Variants in DLEU7 observed in about 807,000 individuals in gnomAD.
The protein encoded by DLEU7 is leukemia-associated protein 7.
Under a neutral mutation model 16.0 loss-of-function variants are expected in DLEU7, and 17 were observed. The observed-to-expected ratio is 1.06, with a 90% CI of 0.73 to 1.59. DLEU7 has a LOEUF of 1.59. Among genes scored for constraint, DLEU7 ranks in the 40% most tolerant of loss-of-function variants. DLEU7 has a pLI of 0.00. For synonymous variants in DLEU7, 113 were observed against 139.8 expected, an observed-to-expected ratio of 0.81 and a Z score of 1.35; for missense variants, 308 against 314.9, an observed-to-expected ratio of 0.98 and a Z score of 0.17.
chr13:50,732,701 C>A (rs1488111592), intron 1 of DLEU7, among the ~76,000 whole-genome samples: 1 of 150,234 alleles, frequency 6.7e-6, no homozygotes, highest in African/African-American at 2.5e-5. Context: ...AATGATCACA[C>A]TATGTTAAAT....
chr13:50,744,594 T>G (rs1341259447), intron 1 of DLEU7, among the ~76,000 whole-genome samples: 1 of 152,060 alleles, frequency 6.6e-6, no homozygotes, highest in Non-Finnish European at 1.5e-5. Context: ...ACTGTGAAAA[T>G]AAAAAGCCAG....
downstream of DLEU7, chr13:50,711,647 A>G (rs771586162): frequency 6.6e-6 from 1 of 152,182 alleles, no homozygotes; most frequent in Non-Finnish European, 1.5e-5. Context: ...TCTGTTTTTC[A>G]ATCATTTGTT....
intron 1 of DLEU7, among the ~76,000 whole-genome samples, chr13:50,812,306 A>G (rs901737887): frequency 6.6e-5 from 10 of 152,144 alleles, no homozygotes; most frequent in Non-Finnish European, 1.2e-4. Context: ...CCCCGTGGAC[A>G]CTGCTGATCC....
rs1230290629 is a variant in DLEU7, at chr13:50,816,466, G to A, written c.459+26722C>T. ...GGAAGGAAAAGAAAGACCAACGTCT[G>A]TTAACTTTATTTATGTATAAAAGAA... On this transcript the variant is annotated intron_variant, in intron 1 of 1. Transcript: ENST00000400393. Among the ~76,000 whole-genome samples the A allele has an allele frequency of 4.6e-5, 7 of 152,032 alleles. No individual in the cohort carries two copies. The East Asian group carries it at 1.4e-3, about 29-fold the overall frequency.
At chr13:50,719,316 A>T (rs1238898921) in intron 1 of DLEU7, among the ~76,000 whole-genome samples, 4 of 152,172 alleles carry the variant, frequency 2.6e-5, no homozygotes, top group African/African-American at 9.7e-5. Flanking sequence ...AACAGGTGAC[A>T]TTTTTGAGAG....
intron 1 of DLEU7, among the ~76,000 whole-genome samples, chr13:50,804,737 C>A (rs144172487): frequency 1.3e-5 from 2 of 152,186 alleles, no homozygotes; most frequent in East Asian, 1.9e-4. Context: ...GGAGCCACCA[C>A]GTCCAGCCAG....
At chr13:50,829,720 A>G (rs749923765) in intron 1 of DLEU7, among the ~76,000 whole-genome samples, 23 of 152,314 alleles carry the variant, frequency 1.5e-4, no homozygotes, top group Non-Finnish European at 3.1e-4. Flanking sequence ...ATTAGCAAAG[A>G]AAACAAATTA....
intron 1 of DLEU7, among the ~76,000 whole-genome samples, chr13:50,733,583 ACTC>A (rs1439755359): frequency 6.6e-6 from 1 of 151,258 alleles, no homozygotes; most frequent in Non-Finnish European, 1.5e-5. Flanking sequence ...GGGGCACCCA[ACTC>A]CTCAACTCTG....
chr13:50,753,002 C>T (rs1285815472), intron 1 of DLEU7, among the ~76,000 whole-genome samples: 3 of 152,100 alleles, frequency 2.0e-5, no homozygotes, highest in African/African-American at 4.8e-5. Flanking sequence ...AGGTTCTCCT[C>T]GTCCCCACCA....
chr13:50,747,573 A>T (rs577728343), intron 1 of DLEU7, among the ~76,000 whole-genome samples: 12 of 152,162 alleles, frequency 7.9e-5, no homozygotes, highest in South Asian at 2.1e-4. Context: ...TCAAACATCT[A>T]GTTGGAGCCA....
At chr13:50,770,214 C>T (rs145728128) in intron 1 of DLEU7, among the ~76,000 whole-genome samples, 2,908 of 152,280 alleles carry the variant, frequency 0.019, 81 homozygotes, top group South Asian at 0.089. Context: ...ATGTCATCTG[C>T]AAACAGGGAC....
chr13:50,721,631 G>A (rs938931155), intron 1 of DLEU7, among the ~76,000 whole-genome samples: 13 of 152,050 alleles, frequency 8.5e-5, no homozygotes, highest in Non-Finnish European at 1.8e-4. Context: ...AGAGACAATG[G>A]ACAAAGGAAA....
At chr13:50,743,336 T>C (rs1419727440) in intron 1 of DLEU7, among the ~76,000 whole-genome samples, 1 of 152,144 alleles carries the variant, frequency 6.6e-6, no homozygotes, top group African/African-American at 2.4e-5. Flanking sequence ...AGAGTGTCCC[T>C]GTGAATGTCT....
At chr13:50,803,681 ATTTCT>A (rs976349518) in intron 1 of DLEU7, among the ~76,000 whole-genome samples, 2 of 152,106 alleles carry the variant, frequency 1.3e-5, no homozygotes, top group African/African-American at 4.8e-5. Flanking sequence ...ACTAAAATTA[ATTTCT>A]TTAATTAAAG....
intron 1 of DLEU7, among the ~76,000 whole-genome samples, chr13:50,782,639 C>T (rs1235445787): frequency 6.6e-6 from 1 of 152,132 alleles, no homozygotes; most frequent in African/African-American, 2.4e-5. Context: ...TACAAAATAG[C>T]CCTAGTTTCC....
chr13:50,824,634 AG>A (rs938915597), intron 1 of DLEU7, among the ~76,000 whole-genome samples: 26 of 152,170 alleles, frequency 1.7e-4, no homozygotes, highest in Non-Finnish European at 4.4e-5. Flanking sequence ...TGTGTAATAG[AG>A]GACCTGTATC....
Position 50,726,461 on chromosome 13 carries a change from T to G in DLEU7, c.460-13221A>C, listed in dbSNP as rs556347714. Among the ~76,000 whole-genome samples, 39 of 152,334 alleles carry G rather than the reference T, an allele frequency of 2.6e-4. No individual in the cohort carries two copies. Among genetic ancestry groups the G allele is most frequent in the African/African-American group, 7.2e-4 (30 of 41,578 alleles). ...AGGCTTCCATTTAACCAGAAATACA[T>G]GTTTTTTAACTTAAATTTCCCTCGA... On this transcript the variant is annotated intron_variant, in intron 1 of 1. Coordinates refer to the DLEU7 transcript ENST00000400393. The surrounding 1 kb of genome is among the most constrained non-coding windows in gnomAD (Gnocchi z 4.0).
intron 1 of DLEU7, among the ~76,000 whole-genome samples, chr13:50,795,187 G>A (rs1355987765): frequency 6.6e-6 from 1 of 152,076 alleles, no homozygotes; most frequent in Non-Finnish European, 1.5e-5. Flanking sequence ...CATAGAGAAG[G>A]GGCCAACCCT....
chr13:50,765,165 G>A (rs1875064129), intron 1 of DLEU7, among the ~76,000 whole-genome samples: 1 of 152,152 alleles, frequency 6.6e-6, no homozygotes, highest in Admixed American at 6.5e-5. Context: ...TTACAGGCAT[G>A]AGCCACTGCC....
Sources: gnomAD v4.1 joint callset for allele counts (sites outside exome capture counted in the v4.1 genomes callset) on GRCh38, gnomAD v4.1.1 for gene constraint, Gnocchi (gnomAD v3.1) non-coding constraint, MANE v1.5 for transcripts, NCBI Gene and HGNC (gene_info 2026-07-23, HGNC 2026-07-21) for gene names.